Variants in PLPP3 observed in about 807,000 individuals in gnomAD.
PLPP3 encodes the protein phospholipid phosphatase 3.
Under a neutral mutation model 29.6 loss-of-function variants are expected in PLPP3, and 6 were observed. The ratio of observed to expected loss-of-function variants is 0.20; its 90% confidence interval spans 0.11 to 0.40. PLPP3 has a LOEUF of 0.40. Ranked by LOEUF, PLPP3 falls within the 10% of genes least tolerant of loss-of-function variation. The pLI, the probability that PLPP3 is intolerant of heterozygous loss-of-function variation, is 1.00. For synonymous variants in PLPP3, 152 were observed against 159.7 expected (o/e 0.95, Z 0.36); for missense variants, 308 against 407.7 (o/e 0.76, Z 2.11).
chr1:56,555,338 AT>A (rs1396388128), intron 1 of PLPP3, among the ~76,000 whole-genome samples: 1 of 135,758 alleles, frequency 7.4e-6, no homozygotes, highest in African/African-American at 2.7e-5. Context: ...TTATCTCGTT[AT>A]TGTTATACTG....
chr1:56,549,182 A>C (rs1220746864), intron 1 of PLPP3, among the ~76,000 whole-genome samples: 1 of 152,196 alleles, frequency 6.6e-6, no homozygotes, highest in African/African-American at 2.4e-5. Context: ...ATTATTGTAA[A>C]ATGAAATAAA....
In PLPP3 at chr1:56,524,806, ATGTGTGTGTGTGTGTG is replaced by A. The variant is rs3835682; in HGVS notation, c.298-268_298-253del. Among the ~76,000 whole-genome samples the A allele has an allele frequency of 6.8e-6, 1 of 148,142 alleles. No individual in the cohort carries two copies. The highest frequency in any genetic ancestry group is 1.5e-5 in the Non-Finnish European group (1 of 66,896). ...AATATATTTATATGTATATATGTGT[ATGTGTGTGTGTGTGTG>A]TGTGTGTGTGTATCTTTTTTTTTAA... On this transcript the variant is annotated intron_variant, in intron 2 of 5. Transcript: ENST00000371250. This position sits in a 1 kb window ranked among gnomAD's most constrained non-coding sequence, Gnocchi z 4.3.
At chr1:56,536,768 T>C (rs893497756) in intron 2 of PLPP3, among the ~76,000 whole-genome samples, 187 bp downstream of exon 2, 1 of 152,134 alleles carries the variant, frequency 6.6e-6, no homozygotes, top group Non-Finnish European at 1.5e-5. Flanking sequence ...ATCTGTATAA[T>C]GGGGGTGATA....
At chr1:56,502,721 G>A (rs1241577580) in intron 5 of PLPP3, among the ~76,000 whole-genome samples, 1 of 152,152 alleles carries the variant, frequency 6.6e-6, no homozygotes, top group Non-Finnish European at 1.5e-5. Context: ...CTTAGTGTTA[G>A]GCCGTAGGCT....
chr1:56,506,614 C>T (rs1413329577), intron 5 of PLPP3, among the ~76,000 whole-genome samples: 1 of 152,224 alleles, frequency 6.6e-6, no homozygotes, highest in Non-Finnish European at 1.5e-5. Flanking sequence ...CCCTAATTTG[C>T]CATCTGTTAG....
chr1:56,560,651 C>G (rs1646116243), intron 1 of PLPP3, among the ~76,000 whole-genome samples: 1 of 152,152 alleles, frequency 6.6e-6, no homozygotes, highest in African/African-American at 2.4e-5. Context: ...CTAATTACCT[C>G]TTAAAGCCCC....
chr1:56,512,406 G>T (rs907182679), intron 4 of PLPP3: 1 of 383,834 alleles, frequency 2.6e-6, no homozygotes, highest in South Asian at 3.8e-5. Context: ...GAGGTCAGGT[G>T]TTTGAGACCA....
chr1:56,553,866 T>C (rs148099792), intron 1 of PLPP3, among the ~76,000 whole-genome samples: 1,539 of 152,136 alleles, frequency 0.01, 24 homozygotes, highest in African/African-American at 0.036. Context: ...TAAAACCGAG[T>C]GTGCGAAGAA....
rs1645835018 is a variant in PLPP3, at chr1:56,523,840, T to C, written c.616A>G (p.Thr206Ala). 1 of 1,613,670 alleles carries C rather than the reference T, an allele frequency of 6.2e-7. No homozygotes were observed. The highest frequency in any genetic ancestry group is 8.5e-7 in the Non-Finnish European group (1 of 1,179,742). Reference sequence around the variant, plus strand: ...GTACTTACCACCAAATACAGCATAGTGTACATGGAGAAGGAGGCATGGCCA... The same window carrying C: ...GTACTTACCACCAAATACAGCATAGCGTACATGGAGAAGGAGGCATGGCCA... Reference protein sequence around the residue: ...FSGHASFSMYTMLYLVLYLQA... With the variant: ...FSGHASFSMYAMLYLVLYLQA... Residue 206 changes from threonine to alanine, a missense_variant, in exon 4 of 6, where the codon ACT becomes GCT. Coordinates refer to ENST00000371250, the MANE Select transcript of PLPP3 (RefSeq NM_003713.5).
intron 2 of PLPP3, among the ~76,000 whole-genome samples, chr1:56,532,942 A>T (rs1295082535): frequency 1.3e-5 from 2 of 151,984 alleles, no homozygotes; most frequent in Non-Finnish European, 2.9e-5. Context: ...AAGGTGGGGG[A>T]GGAGACAGCT....
chr1:56,533,104 G>T (rs991603905), intron 2 of PLPP3, among the ~76,000 whole-genome samples: 2 of 151,650 alleles, frequency 1.3e-5, no homozygotes, highest in East Asian at 3.9e-4. Context: ...GCCCAGGCTG[G>T]AGTGCAGTGG....
At chr1:56,509,025 T>C (rs911489504) in intron 5 of PLPP3, among the ~76,000 whole-genome samples, 17 of 152,206 alleles carry the variant, frequency 1.1e-4, no homozygotes, top group African/African-American at 4.1e-4. Context: ...TTCCCTGTCC[T>C]GGCCTCTCAG....
intron 1 of PLPP3, among the ~76,000 whole-genome samples, chr1:56,555,348 T>C (rs1463629688): frequency 6.7e-6 from 1 of 148,186 alleles, no homozygotes; most frequent in Non-Finnish European, 1.5e-5. Context: ...ATTGTTATAC[T>C]GGTTCTGGCC....
chr1:56,511,508 G>A (rs1259123169), intron 5 of PLPP3, among the ~76,000 whole-genome samples: 1 of 152,032 alleles, frequency 6.6e-6, no homozygotes, highest in Non-Finnish European at 1.5e-5. Context: ...TCCAAGAAGC[G>A]GAGAAGTCCC....
chr1:56,562,841 G>A (rs1253130708), intron 1 of PLPP3, among the ~76,000 whole-genome samples: 1 of 152,110 alleles, frequency 6.6e-6, no homozygotes, highest in Non-Finnish European at 1.5e-5. Context: ...CTTCCTTAGG[G>A]CAGGTTCCAC....
intron 4 of PLPP3, among the ~76,000 whole-genome samples, chr1:56,519,726 C>T (rs144385426): frequency 1.5e-3 from 223 of 151,274 alleles, no homozygotes; most frequent in Non-Finnish European, 2.7e-3. Flanking sequence ...ATACTTTGTG[C>T]TTATATATGC....
At chr1:56,534,223 G>A (rs1645908831) in intron 2 of PLPP3, among the ~76,000 whole-genome samples, 1 of 152,200 alleles carries the variant, frequency 6.6e-6, no homozygotes, top group Non-Finnish European at 1.5e-5. Context: ...GCAAGGCAGG[G>A]ATAGGAACCA....
rs1645633430 is a variant in PLPP3 at position 56,496,666 on chromosome 1, A to C, written c.821T>G (p.Val274Gly). ...CGTCTTAGTCTTGAAGAGGTCAGAC[A>C]CGAAGAAAACCTAGAAGCACAAATC... Reference protein sequence around the residue: ...ALVACCIVFFVSDLFKTKTTL... With the variant: ...ALVACCIVFFGSDLFKTKTTL... The change falls in exon 6 of 6, where the codon GTG becomes GGG. Residue 274 changes from valine (V) to glycine (G), a missense_variant. Physicochemically the swap from Val to Gly is moderately radical, Grantham distance 109 (BLOSUM62 -3). Coordinates refer to ENST00000371250, the MANE Select transcript of PLPP3 (RefSeq NM_003713.5). 1 of 1,613,310 alleles carries C rather than the reference A, an allele frequency of 6.2e-7. No individual in the cohort carries two copies. The highest frequency in any genetic ancestry group is 8.5e-7 in the Non-Finnish European group (1 of 1,179,626).
At chr1:56,532,280 T>C (rs1272680913) in intron 2 of PLPP3, among the ~76,000 whole-genome samples, 1 of 152,166 alleles carries the variant, frequency 6.6e-6, no homozygotes, top group East Asian at 1.9e-4. Flanking sequence ...TAATGTGGCC[T>C]CTCTCTGTTG....
Sources: gnomAD v4.1 joint callset for allele counts (sites outside exome capture counted in the v4.1 genomes callset) on GRCh38, gnomAD v4.1.1 for gene constraint, Gnocchi (gnomAD v3.1) non-coding constraint, MANE v1.5 for transcripts, NCBI Gene and HGNC (gene_info 2026-07-23, HGNC 2026-07-21) for gene names.